UGT1A10: variants seen among roughly 807,000 people sequenced by gnomAD.
UGT1A10 encodes UDP glucuronosyltransferase family 1 member A10.
Under a neutral mutation model 45.8 loss-of-function variants are expected in UGT1A10, and 49 were observed. The ratio of observed to expected loss-of-function variants is 1.07; its 90% CI spans 0.85 to 1.36. The LOEUF is 1.36. UGT1A10 is among the 40% of genes most tolerant of loss of function. UGT1A10 has a pLI of 0.00. For synonymous variants in UGT1A10, 284 were observed against 249.7 expected (o/e 1.14, Z -1.29); for missense variants, 745 against 668.6 (o/e 1.11, Z -1.26).
At position 233,767,112 on chromosome 2, in the gene UGT1A10, C is replaced by G; in HGVS notation, c.934C>G (p.Pro312Ala). Residue 312 changes from proline (P) to alanine (A), a missense_variant, in exon 2 of 5, where the codon CCA (proline) becomes GCA (alanine). Coordinates refer to ENST00000344644, the MANE Select transcript of UGT1A10 (RefSeq NM_019075.4). The part of the protein sequence containing the change: ...FSLGSMVSEI[P>A]EKKAMAIADA... ...TTTGGGATCAATGGTCTCAGAAATT[C>G]CAGAGAAGAAAGCTATGGCAATTGC... 6.2e-7 allele frequency: 1 copy of G among 1,614,080 alleles called. No homozygotes were observed. The highest frequency in any genetic ancestry group is 8.5e-7 in the Non-Finnish European group (1 of 1,180,008).
At chr2:233,743,470 G>T in intron 1 of UGT1A10, 1 of 1,366,762 alleles carries the variant, frequency 7.3e-7, no homozygotes, top group Non-Finnish European at 9.8e-7. Flanking sequence ...ACCCCCAAAA[G>T]CTGGAAATTC....
At chr2:233,675,790 A>G (rs962159781) in intron 1 of UGT1A10, among the ~76,000 whole-genome samples, 5 of 152,218 alleles carry the variant, frequency 3.3e-5, no homozygotes, top group Admixed American at 6.5e-5. Context: ...ATAAATTTGT[A>G]TGTTTTTAAA....
intron 1 of UGT1A10, among the ~76,000 whole-genome samples, chr2:233,644,916 C>A (rs1463142564): frequency 6.6e-6 from 1 of 152,096 alleles, no homozygotes; most frequent in Admixed American, 6.5e-5. Flanking sequence ...TGTCCAGATT[C>A]TTTTCCAGTA....
At chr2:233,748,134 A>G (rs747605529) in intron 1 of UGT1A10, 15 of 1,609,728 alleles carry the variant, frequency 9.3e-6, no homozygotes, top group Non-Finnish European at 1.3e-5. Flanking sequence ...GTTTTTAAAA[A>G]TTGTATTTAC....
chr2:233,689,143 G>C (rs1436130390), intron 1 of UGT1A10, among the ~76,000 whole-genome samples: 3 of 152,208 alleles, frequency 2.0e-5, no homozygotes, highest in African/African-American at 7.2e-5. Context: ...AGCCCCTGAA[G>C]GAAGTTATAA....
intron 1 of UGT1A10, among the ~76,000 whole-genome samples, chr2:233,641,080 A>G (rs770217684): frequency 3.9e-5 from 6 of 152,174 alleles, no homozygotes; most frequent in African/African-American, 9.7e-5. Flanking sequence ...TCAATACTGC[A>G]TCTAGCTCTC....
At chr2:233,728,549 A>T (rs966013125) in intron 1 of UGT1A10, among the ~76,000 whole-genome samples, 3 of 152,184 alleles carry the variant, frequency 2.0e-5, no homozygotes, top group Non-Finnish European at 4.4e-5. Context: ...GTCCTCTCTG[A>T]TCCTTACAAG....
At chr2:233,725,941 G>A (rs1261379461) in intron 1 of UGT1A10, among the ~76,000 whole-genome samples, 2 of 152,166 alleles carry the variant, frequency 1.3e-5, no homozygotes, top group East Asian at 3.8e-4. Flanking sequence ...TGATGCAGGA[G>A]GATTGTTTGA....
chr2:233,767,930 C>A lies in UGT1A10; in HGVS notation c.1069C>A (p.Leu357Met). The change falls in exon 3 of 5, where the codon CTG (leucine) becomes ATG (methionine). Residue 357 changes from leucine to methionine, a missense_variant. By Grantham distance (15) the Leu-to-Met change is conservative (BLOSUM62 2). Coordinates refer to ENST00000344644, the MANE Select transcript of UGT1A10 (RefSeq NM_019075.4). ...ILVKWLPQND[L>M]LGHPMTRAFI... ...TGTTAAGTGGCTACCCCAAAACGAT[C>A]TGCTTGGTATGTTGGGCGGATTGGA... The A allele has an allele frequency of 6.2e-7, 1 of 1,614,200 alleles. No individual in the cohort carries two copies. The highest frequency in any genetic ancestry group is 8.5e-7 in the Non-Finnish European group (1 of 1,180,054).
At chr2:233,652,982 C>T (rs1327184427) in intron 1 of UGT1A10, among the ~76,000 whole-genome samples, 1 of 152,134 alleles carries the variant, frequency 6.6e-6, no homozygotes, top group Non-Finnish European at 1.5e-5. Flanking sequence ...AAATAAAACA[C>T]TTTTGTGTGT....
In UGT1A10 at chr2:233,714,784, C is replaced by T. The variant is rs564838268; in HGVS notation, c.856-52250C>T. Among the ~76,000 whole-genome samples, 4 of 152,314 alleles carry T rather than the reference C, an allele frequency of 2.6e-5. No individual in the cohort carries two copies. The East Asian group carries it at 7.7e-4, about 29-fold the overall frequency. ...AGTATATCTCAATTTGGAATAGCCA[C>T]ATTTCAAGTGCTCAATATTCATATG... is the stretch of plus-strand genomic sequence containing the variant. On this transcript the variant is annotated intron_variant, in intron 1 of 4. Coordinates refer to ENST00000344644, the MANE Select transcript of UGT1A10 (RefSeq NM_019075.4).
chr2:233,737,653 G>C (rs567057644), intron 1 of UGT1A10, among the ~76,000 whole-genome samples: 4 of 152,320 alleles, frequency 2.6e-5, no homozygotes, highest in African/African-American at 9.6e-5. Context: ...CATGCTGGGA[G>C]CTGCAGATCG....
At position 233,747,709 on chromosome 2, in the gene UGT1A10, C is replaced by G. The variant is rs1194057066; in HGVS notation, c.856-19325C>G. On this transcript the variant is annotated intron_variant, in intron 1 of 4. Transcript: ENST00000344644. ...GGGGCAGTGCTGGCTAAGTACCTAT[C>G]AATTCCTGCTGTGTTTTTTTTGAGG... 13 of 1,612,750 alleles carry G rather than the reference C, an allele frequency of 8.1e-6. No individual in the cohort carries two copies. The African/African-American group carries it at 1.5e-4, about 18-fold the overall frequency.
rs1575628986 is a variant in UGT1A10 at position 233,739,340 on chromosome 2, A to AT, written c.856-27694_856-27693insT. 3.9e-5 allele frequency among the ~76,000 whole-genome samples: 6 copies of AT among 152,276 alleles called. No individual in the cohort carries two copies. In the East Asian group the frequency reaches 5.8e-4, roughly 15 times the overall value. On this transcript the variant is annotated intron_variant, in intron 1 of 4. Coordinates refer to ENST00000344644, the MANE Select transcript of UGT1A10 (RefSeq NM_019075.4). Reference sequence around the variant, plus strand: ...GAGAAGAAGGCCACAGTCCTTCAGAACCCAGAAGGGCAGATCCAATAGCTT... The same window carrying AT: ...GAGAAGAAGGCCACAGTCCTTCAGAATCCCAGAAGGGCAGATCCAATAGCTT...
At chr2:233,724,768 A>G (rs1231728471) in intron 1 of UGT1A10, among the ~76,000 whole-genome samples, 1 of 142,484 alleles carries the variant, frequency 7.0e-6, no homozygotes, top group Non-Finnish European at 1.5e-5. Context: ...GCGGCCAGGC[A>G]GAGACACTCC....
At chr2:233,755,786 A>T (rs1696022077) in intron 1 of UGT1A10, 1 of 152,524 alleles carries the variant, frequency 6.6e-6, no homozygotes, top group Non-Finnish European at 1.5e-5. Flanking sequence ...TGCCTATCAT[A>T]TGTACTGCAT....
chr2:233,743,398 G>A, intron 1 of UGT1A10: 3 of 1,279,318 alleles, frequency 2.3e-6, no homozygotes. Context: ...GCAGAAGGAA[G>A]AAAGGCCCCC....
chr2:233,677,718 C>A (rs560879078), intron 1 of UGT1A10, among the ~76,000 whole-genome samples: 100 of 151,980 alleles, frequency 6.6e-4, no homozygotes, highest in African/African-American at 2.2e-3. Flanking sequence ...AACACTTGTA[C>A]CCTCTTGGTG....
At position 233,768,395 on chromosome 2, in the gene UGT1A10, T is replaced by A; in HGVS notation, c.1251T>A (p.Ser417=). 1 of 1,614,130 alleles carries A rather than the reference T, an allele frequency of 6.2e-7. No individual in the cohort carries two copies. Among genetic ancestry groups the A allele is most frequent in the Non-Finnish European group, 8.5e-7 (1 of 1,180,032 alleles). Residue 417 remains serine, a synonymous_variant, in exon 4 of 5, where the codon TCT becomes TCA. Coordinates refer to ENST00000344644, the MANE Select transcript of UGT1A10 (RefSeq NM_019075.4). The part of the protein sequence containing the change: ...GVTLNVLEMT[S]EDLENALKAV... ...CCCTGAATGTTCTGGAAATGACTTC[T>A]GAAGATTTAGAAAATGCTCTAAAAG... is the stretch of plus-strand genomic sequence containing the variant.
Sources: allele counts gnomAD v4.1 joint callset (sites outside exome capture counted in the v4.1 genomes callset), GRCh38; gene constraint gnomAD v4.1.1; transcripts MANE v1.5; gene names NCBI Gene and HGNC (gene_info 2026-07-23, HGNC 2026-07-21).